The following NFIC variants were observed in gnomAD, a reference collection of about 807,000 sequenced individuals.
NFIC encodes the protein nuclear factor I C, also known as nuclear factor 1 C-type.
Under a neutral mutation model 54.4 loss-of-function variants are expected in NFIC, and 12 were observed. The ratio of observed to expected loss-of-function variants is 0.22; its 90% CI spans 0.14 to 0.36. The LOEUF is 0.36. Ranked by LOEUF, NFIC falls within the 10% of genes least tolerant of loss-of-function variation. The pLI, the probability that NFIC is intolerant of heterozygous loss-of-function variation, is 1.00. For synonymous variants in NFIC, 322 were observed against 319.2 expected, an observed-to-expected ratio of 1.01 and a Z score of -0.09; for missense variants, 575 against 718.2, an observed-to-expected ratio of 0.80 and a Z score of 2.28.
chr19:3,407,932 C>G (rs1324310208), intron 2 of NFIC, among the ~76,000 whole-genome samples: 1 of 152,112 alleles, frequency 6.6e-6, no homozygotes, highest in Admixed American at 6.6e-5. Context: ...AGGCCCAGGT[C>G]ACTCGTATAT....
chr19:3,434,932 C>T (rs946749301), intron 5 of NFIC, 151 bp from the exon 6 acceptor site: 2 of 1,063,066 alleles, frequency 1.9e-6, no homozygotes, highest in South Asian at 1.7e-5. Flanking sequence ...TCGTAGGGAA[C>T]GGGCTGAACG....
Position 3,453,831 on chromosome 19 carries a change from C to G in NFIC, c.1338C>G (p.Pro446=). The stretch of plus-strand genomic sequence containing the variant: ...CTGCTCAGATGCTGGCACCTCCGCC[C>G]CCGGGGCTGCCACGGCTGGCGCTCC... ...CLSAQMLAPP[P]PGLPRLALPP... Residue 446 remains proline (P), a synonymous_variant, in exon 9 of 11, where the codon CCC becomes CCG. Coordinates refer to ENST00000443272, the MANE Select transcript of NFIC (RefSeq NM_001245002.2). The surrounding 1 kb of genome is among the most constrained non-coding windows in gnomAD (Gnocchi z 6.7). The G allele has an allele frequency of 6.3e-7, 1 of 1,594,074 alleles. No homozygotes were observed. The highest frequency in any genetic ancestry group is 8.5e-7 in the Non-Finnish European group (1 of 1,171,232).
chr19:3,404,354 A>G (rs1345079670), intron 2 of NFIC, among the ~76,000 whole-genome samples: 2 of 152,002 alleles, frequency 1.3e-5, no homozygotes, highest in Non-Finnish European at 2.9e-5. Flanking sequence ...GCGTGCGGGT[A>G]TTTTTAACCT....
chr19:3,409,561 C>G (rs1012073367), intron 2 of NFIC, among the ~76,000 whole-genome samples: 1 of 147,788 alleles, frequency 6.8e-6, no homozygotes, highest in Non-Finnish European at 1.5e-5. Context: ...CCGTGAGTGC[C>G]GGGTGTGCGT....
At position 3,375,715 on chromosome 19, in the gene NFIC, G is replaced by T. The variant is rs1305552719; in HGVS notation, c.31-5997G>T. On this transcript the variant is annotated intron_variant, in intron 1 of 10. Transcript: ENST00000443272. This position sits in a 1 kb window ranked among gnomAD's most constrained non-coding sequence, Gnocchi z 4.6. ...TGGGGAGGCTATTTTCAGAGCCTCA[G>T]TAATAGGTGAAATCTGATGTCCTGC... Among the ~76,000 whole-genome samples, 1 of 152,200 alleles carries T rather than the reference G, an allele frequency of 6.6e-6. No homozygotes were observed. Among genetic ancestry groups the T allele is most frequent in the Non-Finnish European group, 1.5e-5 (1 of 68,022 alleles).
chr19:3,381,555 T>G (rs114247607), intron 1 of NFIC, among the ~76,000 whole-genome samples, 157 bp from the exon 2 acceptor site: 2,067 of 152,288 alleles, frequency 0.014, 52 homozygotes, highest in African/African-American at 0.047. Flanking sequence ...TCCGGCGGCG[T>G]GCACGGGTCC....
intron 1 of NFIC, 89 bp from the exon 2 acceptor site, chr19:3,381,623 G>T: frequency 6.6e-7 from 1 of 1,503,838 alleles, no homozygotes; most frequent in Non-Finnish European, 8.9e-7. Flanking sequence ...TCTGTTCAGG[G>T]CCCCTCCGAC....
At chr19:3,404,781 G>T (rs2081617389) in intron 2 of NFIC, among the ~76,000 whole-genome samples, 1 of 152,250 alleles carries the variant, frequency 6.6e-6, no homozygotes, top group African/African-American at 2.4e-5. Context: ...TCCCCAGCAC[G>T]GGGCGAGTCC....
chr19:3,444,738 C>A (rs1453200474), intron 6 of NFIC, among the ~76,000 whole-genome samples: 1 of 152,192 alleles, frequency 6.6e-6, no homozygotes, highest in Non-Finnish European at 1.5e-5. Context: ...CCTAAATGAG[C>A]GTCTGACAAC....
At position 3,383,759 on chromosome 19, in the gene NFIC, C is replaced by T. The variant is rs530721132; in HGVS notation, c.562+1516C>T. On this transcript the variant is annotated intron_variant, in intron 2 of 10. Coordinates refer to ENST00000443272, the MANE Select transcript of NFIC (RefSeq NM_001245002.2). Reference sequence around the variant, plus strand: ...ACGCAGACCCACACAGGTCACCAGCCCAGCCCCAGCCCAGGCAGCACTCTA... The same window carrying T: ...ACGCAGACCCACACAGGTCACCAGCTCAGCCCCAGCCCAGGCAGCACTCTA... Among the ~76,000 whole-genome samples the T allele has an allele frequency of 2.6e-5, 4 of 152,332 alleles. No individual in the cohort carries two copies. The East Asian group carries it at 5.8e-4, about 22-fold the overall frequency.
intron 1 of NFIC, among the ~76,000 whole-genome samples, chr19:3,366,896 A>G (rs548996672): frequency 1.0e-3 from 149 of 146,816 alleles, no homozygotes; most frequent in Middle Eastern, 3.6e-3. Context: ...ACTCCCGCCC[A>G]GCACCCCCAA....
At position 3,460,661 on chromosome 19, in the gene NFIC, G is replaced by A. The variant is rs376998306; in HGVS notation, c.1510-2091G>A. Reference sequence around the variant, plus strand: ...CCCGAGTAGCTGGGATTACAGGCACGTGCCACCACGCCTGGCTAATTTTTG... The same window carrying A: ...CCCGAGTAGCTGGGATTACAGGCACATGCCACCACGCCTGGCTAATTTTTG... On this transcript the variant is annotated intron_variant, in intron 10 of 10. Transcript: ENST00000443272. 2.4e-4 allele frequency among the ~76,000 whole-genome samples: 37 copies of A among 152,068 alleles called. No individual in the cohort carries two copies. The East Asian group carries it at 5.7e-3, about 23-fold the overall frequency.
Position 3,382,005 on chromosome 19 carries a change from C to G in NFIC, c.324C>G (p.Asn108Lys). The G allele has an allele frequency of 6.2e-7, 1 of 1,613,572 alleles. No individual in the cohort carries two copies. The highest frequency in any genetic ancestry group is 8.5e-7 in the Non-Finnish European group (1 of 1,179,926). ...GKKAPGCVLS[N>K]PDQKGKMRRI... ...AGGCGCCGGGCTGCGTGCTCTCCAA[C>G]CCCGACCAGAAGGGCAAGATGCGGC... is the stretch of plus-strand genomic sequence containing the variant. The change falls in exon 2 of 11, where the codon AAC (asparagine) becomes AAG (lysine). Residue 108 changes from asparagine to lysine, a missense_variant. Asn to Lys is a moderately conservative substitution (Grantham distance 94, BLOSUM62 0). Around this residue, in one of 3 missense-constraint regions of NFIC, gnomAD observed 122 missense variants for 158.0 expected, o/e 0.77. Coordinates refer to ENST00000443272, the MANE Select transcript of NFIC (RefSeq NM_001245002.2).
At chr19:3,437,990 C>G (rs933694904) in intron 6 of NFIC, among the ~76,000 whole-genome samples, 11 of 152,036 alleles carry the variant, frequency 7.2e-5, no homozygotes, top group African/African-American at 2.7e-4. Flanking sequence ...GCCACCGCAC[C>G]CAGCCGTGAC....
In NFIC at chr19:3,452,702, C is replaced by A. The variant is rs377464261; in HGVS notation, c.1269+36C>A. 5 of 1,551,998 alleles carry A rather than the reference C, an allele frequency of 3.2e-6. No homozygotes were observed. The highest frequency in any genetic ancestry group is 1.4e-5 in the African/African-American group (1 of 73,462). On this transcript the variant is annotated intron_variant, in intron 8 of 10. Coordinates refer to ENST00000443272, the MANE Select transcript of NFIC (RefSeq NM_001245002.2). This position sits in a 1 kb window ranked among gnomAD's most constrained non-coding sequence, Gnocchi z 5.3. ...CGGGGCGCATTCGGGCCTCTCCTGGCGGCTCCAGGTGACCTCCCGGGGGCC... is the reference window on the plus strand; with the variant it reads ...CGGGGCGCATTCGGGCCTCTCCTGGAGGCTCCAGGTGACCTCCCGGGGGCC...
At chr19:3,462,642 G>A (rs1019901367) in intron 10 of NFIC, 110 bp from the exon 11 acceptor site, 12 of 1,237,860 alleles carry the variant, frequency 9.7e-6, no homozygotes, top group Non-Finnish European at 1.3e-5. Context: ...GGTTGCAGGA[G>A]GTGGGGGGTG....
Position 3,462,942 on chromosome 19 carries a change from A to G in NFIC, c.*173A>G, listed in dbSNP as rs185384063. The G allele has an allele frequency of 2.5e-3, 3,652 of 1,450,516 alleles. 8 individuals are homozygous for G. Among genetic ancestry groups the G allele is most frequent in the South Asian group, 5.2e-3 (349 of 67,074 alleles). 89.9% of individuals were successfully genotyped at this position (1,450,516 alleles called of 1,614,324 possible). ...CATAGACGCACACACTCAGGAGGAAAAGAAAAAACAAAGGCAGAAGAAGAA... is the reference window on the plus strand; with the variant it reads ...CATAGACGCACACACTCAGGAGGAAGAGAAAAAACAAAGGCAGAAGAAGAA... On this transcript the variant is annotated 3_prime_UTR_variant, in exon 11 of 11. Transcript: ENST00000443272.
chr19:3,367,366 C>G (rs902319268), intron 1 of NFIC, among the ~76,000 whole-genome samples: 12 of 152,208 alleles, frequency 7.9e-5, no homozygotes, highest in African/African-American at 2.9e-4. Flanking sequence ...ATTCTGGATT[C>G]TGGATTCTGG....
chr19:3,380,860 C>G (rs2081194918), intron 1 of NFIC, among the ~76,000 whole-genome samples: 1 of 152,008 alleles, frequency 6.6e-6, no homozygotes, highest in Non-Finnish European at 1.5e-5. Flanking sequence ...TACCATATGG[C>G]TCAGACTGGT....
Sources: gnomAD v4.1 joint callset for allele counts (sites outside exome capture counted in the v4.1 genomes callset) on GRCh38, gnomAD v4.1.1 for gene constraint, gnomAD v4.1.1 regional missense constraint, Gnocchi (gnomAD v3.1) non-coding constraint, MANE v1.5 for transcripts, NCBI Gene and HGNC (gene_info 2026-07-23, HGNC 2026-07-21) for gene names.